Variants in AFG2A observed in about 807,000 individuals in gnomAD.
AFG2A encodes the protein AAA ATPase AFG2A.
chr4:123,088,155 C>T, the AFG2A span, among the ~76,000 whole-genome samples: 3 of 152,026 alleles, frequency 2.0e-5, no homozygotes, highest in African/African-American at 4.8e-5. Flanking sequence ...TTATGCTGAG[C>T]CATTGTGCAC....
chr4:123,031,430 G>T, the AFG2A span, among the ~76,000 whole-genome samples: 2 of 152,192 alleles, frequency 1.3e-5, no homozygotes, highest in Non-Finnish European at 2.9e-5. Flanking sequence ...TAGGATTACA[G>T]GCGTGAGTCA....
the AFG2A span, among the ~76,000 whole-genome samples, chr4:123,012,601 G>T: frequency 6.6e-6 from 1 of 152,164 alleles, no homozygotes; most frequent in Non-Finnish European, 1.5e-5. Context: ...AAACACCGAG[G>T]GAAGACTGTC....
chr4:123,307,337 G>A, the AFG2A span, among the ~76,000 whole-genome samples: 1 of 152,172 alleles, frequency 6.6e-6, no homozygotes, highest in Non-Finnish European at 1.5e-5. Flanking sequence ...TGCCAGCAGA[G>A]TGATGAGCTT....
At chr4:122,923,665 A>T in the AFG2A span, among the ~76,000 whole-genome samples, 3 of 152,202 alleles carry the variant, frequency 2.0e-5, no homozygotes, top group South Asian at 6.2e-4. Context: ...AAACTAAATA[A>T]CCAATTCAGT....
chr4:122,950,360 A>T, the AFG2A span, among the ~76,000 whole-genome samples: 17 of 139,126 alleles, frequency 1.2e-4, no homozygotes, highest in Non-Finnish European at 1.7e-4. Context: ...TTTTTTTGAG[A>T]TGGAGTTTCG....
At chr4:123,176,906 T>TC in the AFG2A span, among the ~76,000 whole-genome samples, 6 of 152,008 alleles carry the variant, frequency 3.9e-5, no homozygotes, top group African/African-American at 1.5e-4. Flanking sequence ...GTCTTACATT[T>TC]CCCCCAAAAG....
chr4:123,147,925 T>G, the AFG2A span, among the ~76,000 whole-genome samples: 1 of 152,164 alleles, frequency 6.6e-6, no homozygotes, highest in African/African-American at 2.4e-5. Context: ...CTTTTTAAAA[T>G]TTCAAAATAT....
chr4:122,927,223 G>T, the AFG2A span, among the ~76,000 whole-genome samples: 1 of 152,326 alleles, frequency 6.6e-6, no homozygotes, highest in Middle Eastern at 3.4e-3. Context: ...ATGTGGGGCA[G>T]AAGTAGAAAC....
At chr4:123,202,789 T>C in the AFG2A span, among the ~76,000 whole-genome samples, 2 of 152,202 alleles carry the variant, frequency 1.3e-5, no homozygotes, top group African/African-American at 4.8e-5. Context: ...TCCTTTATAG[T>C]TGGATTCTCC....
the AFG2A span, among the ~76,000 whole-genome samples, chr4:123,246,875 C>T: frequency 6.6e-6 from 1 of 152,006 alleles, no homozygotes; most frequent in African/African-American, 2.4e-5. Flanking sequence ...GTAAATTTCC[C>T]CTCCTTGTCA....
the AFG2A span, chr4:123,057,387 T>G: frequency 7.8e-7 from 1 of 1,284,910 alleles, no homozygotes; most frequent in Non-Finnish European, 1.1e-6. Context: ...AACTTTTATC[T>G]ATTAATACAT....
the AFG2A span, among the ~76,000 whole-genome samples, chr4:123,027,676 C>G: frequency 6.6e-6 from 1 of 152,110 alleles, no homozygotes; most frequent in African/African-American, 2.4e-5. Flanking sequence ...ATATAAAGAG[C>G]TGTCTTGTTC....
chr4:123,209,981 T>C, the AFG2A span, among the ~76,000 whole-genome samples: 1 of 152,116 alleles, frequency 6.6e-6, no homozygotes, highest in Non-Finnish European at 1.5e-5. Flanking sequence ...CTTCCTGCAG[T>C]CCCTAGACTT....
the AFG2A span, among the ~76,000 whole-genome samples, chr4:123,119,688 A>G: frequency 2.9e-4 from 44 of 152,324 alleles, no homozygotes; most frequent in Middle Eastern, 3.4e-3. Flanking sequence ...CAGTTTAGAT[A>G]GTAATGTGCT....
At chr4:123,183,245 G>A in the AFG2A span, among the ~76,000 whole-genome samples, 1 of 152,070 alleles carries the variant, frequency 6.6e-6, no homozygotes, top group African/African-American at 2.4e-5. Context: ...AAAAGTAAAG[G>A]TAATACAGGT....
chr4:123,224,245 C>T, the AFG2A span, among the ~76,000 whole-genome samples: 54 of 151,634 alleles, frequency 3.6e-4, no homozygotes, highest in Non-Finnish European at 5.5e-4. Flanking sequence ...AGTTTTAGGG[C>T]ACATGTGCAC....
chr4:123,063,605 G>T, the AFG2A span, among the ~76,000 whole-genome samples: 3 of 152,038 alleles, frequency 2.0e-5, no homozygotes, highest in Non-Finnish European at 4.4e-5. Flanking sequence ...AATTAGCTGG[G>T]CGTGGTGGCA....
At chr4:123,004,918 T>G in the AFG2A span, among the ~76,000 whole-genome samples, 28 of 151,790 alleles carry the variant, frequency 1.8e-4, no homozygotes, top group African/African-American at 5.8e-4. Context: ...AGATTATCTG[T>G]TTTTTTTCTC....
At chr4:123,087,570 C>T in the AFG2A span, among the ~76,000 whole-genome samples, 1 of 152,204 alleles carries the variant, frequency 6.6e-6, no homozygotes, top group Non-Finnish European at 1.5e-5. Flanking sequence ...CAGATCTTCA[C>T]TGTGAGAAGC....
Sources: allele counts gnomAD v4.1 joint callset (sites outside exome capture counted in the v4.1 genomes callset), GRCh38; gene constraint gnomAD v4.1.1; transcripts MANE v1.5; gene names NCBI Gene and HGNC (gene_info 2026-07-23, HGNC 2026-07-21).